Variants in PEX14 observed in about 807,000 individuals in gnomAD.
The protein encoded by PEX14 is peroxisomal membrane protein PEX14.
In PEX14, 15 loss-of-function variants were observed where a neutral mutation model predicts 49.5. The observed-to-expected ratio is 0.30, with a 90% CI of 0.20 to 0.47. The LOEUF (loss-of-function observed/expected upper bound fraction) is 0.47. Among genes scored for constraint, PEX14 ranks in the 20% least tolerant of loss-of-function variants. The pLI is 1.00. For missense variants in PEX14, 398 were observed against 494.8 expected (o/e 0.80, Z 1.86); for synonymous variants, 210 against 212.7 (o/e 0.99, Z 0.11).
chr1:10,566,072 T>C (rs1024865805), intron 3 of PEX14, among the ~76,000 whole-genome samples: 1 of 152,252 alleles, frequency 6.6e-6, no homozygotes, highest in Admixed American at 6.5e-5. Flanking sequence ...TGCAGTTCCC[T>C]TCTCACTGAG....
At position 10,629,096 on chromosome 1, in the gene PEX14, T is replaced by A. The variant is rs1471023303; in HGVS notation, c.678-435T>A. 6.6e-6 allele frequency among the ~76,000 whole-genome samples: 1 copy of A among 152,208 alleles called. No individual in the cohort carries two copies. The highest frequency in any genetic ancestry group is 1.5e-5 in the Non-Finnish European group (1 of 68,022). On this transcript the variant is annotated intron_variant, in intron 8 of 8. Transcript: ENST00000356607. This position sits in a 1 kb window ranked among gnomAD's most constrained non-coding sequence, Gnocchi z 8.5. ...ACCTTTTGCTCAGGCCATAGACAAA[T>A]GAGGACTGTGGCTCAGGTGTCTGGA...
chr1:10,605,459 G>A (rs1195432599), intron 4 of PEX14, among the ~76,000 whole-genome samples: 3 of 152,216 alleles, frequency 2.0e-5, no homozygotes, highest in African/African-American at 7.2e-5. Flanking sequence ...TTCCCAGAAC[G>A]CTAGTCTTAG....
chr1:10,546,308 G>A (rs1180804669), intron 3 of PEX14, among the ~76,000 whole-genome samples: 1 of 152,022 alleles, frequency 6.6e-6, no homozygotes, highest in Non-Finnish European at 1.5e-5. Flanking sequence ...GCTCAAGCCT[G>A]TAATCCCAGC....
chr1:10,498,606 C>T (rs1249362675), intron 2 of PEX14, among the ~76,000 whole-genome samples: 2 of 152,118 alleles, frequency 1.3e-5, no homozygotes, highest in East Asian at 1.9e-4. Flanking sequence ...TTTTCTTGCC[C>T]GTTCAATCCT....
chr1:10,533,543 T>A (rs1638708630), intron 2 of PEX14, among the ~76,000 whole-genome samples: 1 of 152,216 alleles, frequency 6.6e-6, no homozygotes, highest in African/African-American at 2.4e-5. Flanking sequence ...GATTCGCTCG[T>A]TTATGCTGTT....
chr1:10,491,852 T>A (rs1288137368), intron 1 of PEX14, among the ~76,000 whole-genome samples: 3 of 152,030 alleles, frequency 2.0e-5, no homozygotes, highest in African/African-American at 7.2e-5. Context: ...AGCTTATTTT[T>A]GCATTTTTTT....
chr1:10,496,681 A>G (rs2124404960), intron 2 of PEX14, among the ~76,000 whole-genome samples: 2 of 151,928 alleles, frequency 1.3e-5, no homozygotes, highest in South Asian at 4.2e-4. Context: ...GATTTCTGGT[A>G]TTTGGAGCCC....
rs1006721439 is a variant in PEX14, at chr1:10,629,020, T to C, written c.678-511T>C. On this transcript the variant is annotated intron_variant, in intron 8 of 8. Transcript: ENST00000356607. This position sits in a 1 kb window ranked among gnomAD's most constrained non-coding sequence, Gnocchi z 8.5. Reference sequence around the variant, plus strand: ...AGCAAAGGGCATAACCACCGCCCTTTTGGTTCTGATGTGTCTGACCCCCTG... The same window carrying C: ...AGCAAAGGGCATAACCACCGCCCTTCTGGTTCTGATGTGTCTGACCCCCTG... 6.6e-6 allele frequency among the ~76,000 whole-genome samples: 1 copy of C among 152,210 alleles called. No individual in the cohort carries two copies. The highest frequency in any genetic ancestry group is 2.4e-5 in the African/African-American group (1 of 41,462).
In PEX14 at chr1:10,597,429, G is replaced by T. The variant is rs1372736416; in HGVS notation, c.170-1809G>T. ...CACTACACAGGCTGGAACCTGAGAG[G>T]CACAAACTCAGGGCGGGGGTATTCT... On this transcript the variant is annotated intron_variant, in intron 3 of 8. Coordinates refer to ENST00000356607, the MANE Select transcript of PEX14 (RefSeq NM_004565.3). The surrounding 1 kb of genome is among the most constrained non-coding windows in gnomAD (Gnocchi z 5.7). 6.6e-6 allele frequency among the ~76,000 whole-genome samples: 1 copy of T among 152,200 alleles called. No homozygotes were observed. Among genetic ancestry groups the T allele is most frequent in the African/African-American group, 2.4e-5 (1 of 41,446 alleles).
intron 2 of PEX14, among the ~76,000 whole-genome samples, chr1:10,519,824 C>A (rs1638222496): frequency 1.3e-5 from 2 of 152,198 alleles, no homozygotes; most frequent in Non-Finnish European, 2.9e-5. Flanking sequence ...GCTGCTCAGG[C>A]TGGAGTGCAG....
At chr1:10,598,971 G>C (rs564300034) in intron 3 of PEX14, among the ~76,000 whole-genome samples, 10 of 151,896 alleles carry the variant, frequency 6.6e-5, no homozygotes, top group East Asian at 3.9e-4. Context: ...TTGCAGTACC[G>C]AGCGACTTCA....
At chr1:10,508,693 A>C (rs1025294592) in intron 2 of PEX14, among the ~76,000 whole-genome samples, 2 of 152,304 alleles carry the variant, frequency 1.3e-5, no homozygotes, top group East Asian at 3.9e-4. Context: ...GCAGAACCAG[A>C]TGGTTGCAGT....
At chr1:10,582,564 C>G (rs947943693) in intron 3 of PEX14, among the ~76,000 whole-genome samples, 15 of 152,118 alleles carry the variant, frequency 9.9e-5, no homozygotes, top group African/African-American at 3.1e-4. Flanking sequence ...GAACAACTGA[C>G]AAGCTCAGAG....
At chr1:10,608,328 A>T (rs1641180361) in intron 4 of PEX14, among the ~76,000 whole-genome samples, 1 of 152,204 alleles carries the variant, frequency 6.6e-6, no homozygotes, top group African/African-American at 2.4e-5. Flanking sequence ...CCTTATGTTC[A>T]AAAGATTATC....
At position 10,539,940 on chromosome 1, in the gene PEX14, A is replaced by G. The variant is rs1044435999; in HGVS notation, c.169+3643A>G. On this transcript the variant is annotated intron_variant, in intron 3 of 8. Coordinates refer to ENST00000356607, the MANE Select transcript of PEX14 (RefSeq NM_004565.3). This position sits in a 1 kb window ranked among gnomAD's most constrained non-coding sequence, Gnocchi z 4.6. ...CAAGCTTCTAGGAAAGACAAACATCATCTATTTTTCTGTATAACCCTGCAT... is the reference window on the plus strand; with the variant it reads ...CAAGCTTCTAGGAAAGACAAACATCGTCTATTTTTCTGTATAACCCTGCAT... Among the ~76,000 whole-genome samples, 31 of 152,164 alleles carry G rather than the reference A, an allele frequency of 2.0e-4. No homozygotes were observed. The highest frequency in any genetic ancestry group is 4.4e-4 in the Non-Finnish European group (30 of 68,032).
chr1:10,580,701 A>T (rs1483677589), intron 3 of PEX14, among the ~76,000 whole-genome samples: 2 of 151,930 alleles, frequency 1.3e-5, no homozygotes, highest in Non-Finnish European at 2.9e-5. Flanking sequence ...CCCTAGAGGG[A>T]CCACTTAAAA....
Position 10,526,273 on chromosome 1 carries a change from G to A in PEX14, c.85-9940G>A, listed in dbSNP as rs142527023. Among the ~76,000 whole-genome samples the A allele has an allele frequency of 3.4e-3, 510 of 149,802 alleles. 2 individuals are homozygous for A. The highest frequency in any genetic ancestry group is 0.012 in the African/African-American group (478 of 40,806). ...GTCGTGCTCTGTTGCTCAGGCTGGA[G>A]TGCAGTGGCGTGATAGCTCGCTGCA... On this transcript the variant is annotated intron_variant, in intron 2 of 8. Transcript: ENST00000356607.
chr1:10,615,670 G>A (rs1641393743), intron 4 of PEX14, among the ~76,000 whole-genome samples: 1 of 152,260 alleles, frequency 6.6e-6, no homozygotes, highest in Non-Finnish European at 1.5e-5. Flanking sequence ...GTGTCCCCAT[G>A]TGGGAGATGG....
At chr1:10,558,349 ATCT>A (rs995272292) in intron 3 of PEX14, among the ~76,000 whole-genome samples, 5 of 152,034 alleles carry the variant, frequency 3.3e-5, no homozygotes, top group East Asian at 1.9e-4. Context: ...CACTTTTATC[ATCT>A]TCTTCTTGAT....
Sources: allele counts gnomAD v4.1 joint callset (sites outside exome capture counted in the v4.1 genomes callset), GRCh38; gene constraint gnomAD v4.1.1; non-coding constraint Gnocchi (gnomAD v3.1); transcripts MANE v1.5; gene names NCBI Gene and HGNC (gene_info 2026-07-23, HGNC 2026-07-21).